Variants in CDH12 observed in about 807,000 individuals in gnomAD.
CDH12 encodes cadherin-12.
CDH12 carries 41 observed loss-of-function variants against 74.1 expected under a neutral mutation model. That is an observed-to-expected ratio of 0.55 (90% CI 0.43 to 0.72). The LOEUF is 0.72. Among genes scored for constraint, CDH12 ranks in the 30% least tolerant of loss-of-function variants. The pLI is 0.00. For missense variants in CDH12, 945 were observed against 977.2 expected, an observed-to-expected ratio of 0.97 and a Z score of 0.44; for synonymous variants, 399 against 355.0, an observed-to-expected ratio of 1.12 and a Z score of -1.39.
chr5:22,587,056 G>A (rs553245866), intron 1 of CDH12, among the ~76,000 whole-genome samples: 18 of 151,824 alleles, frequency 1.2e-4, no homozygotes, highest in Non-Finnish European at 2.4e-4. Context: ...GGCTGGTCTC[G>A]AACTCCTGAC....
At chr5:22,660,905 A>G (rs533576450) in intron 1 of CDH12, among the ~76,000 whole-genome samples, 1 of 152,224 alleles carries the variant, frequency 6.6e-6, no homozygotes, top group African/African-American at 2.4e-5. Context: ...ACATTCATTG[A>G]TTAAAAACAC....
intron 5 of CDH12, among the ~76,000 whole-genome samples, chr5:22,054,656 T>C (rs1740614061): frequency 6.6e-6 from 1 of 152,150 alleles, no homozygotes; most frequent in Non-Finnish European, 1.5e-5. Flanking sequence ...TCTAAAAGTT[T>C]GTAAAAGAGC....
At chr5:22,068,535 A>G (rs989052303) in intron 5 of CDH12, among the ~76,000 whole-genome samples, 1 of 152,182 alleles carries the variant, frequency 6.6e-6, no homozygotes, top group African/African-American at 2.4e-5. Flanking sequence ...ATGACATTAT[A>G]TATCAATTCA....
intron 2 of CDH12, among the ~76,000 whole-genome samples, chr5:22,442,516 T>C (rs1253952893): frequency 1.3e-5 from 2 of 152,178 alleles, no homozygotes; most frequent in African/African-American, 2.4e-5. Context: ...ACATTTTTGA[T>C]AGGCAATTTA....
chr5:22,001,072 C>T (rs1282188763), intron 5 of CDH12, among the ~76,000 whole-genome samples: 7 of 152,066 alleles, frequency 4.6e-5, no homozygotes, highest in Non-Finnish European at 8.8e-5. Flanking sequence ...AAAACACAGA[C>T]GTGACTTCAC....
At chr5:22,079,806 T>C (rs1742593193) in intron 4 of CDH12, among the ~76,000 whole-genome samples, 1 of 151,642 alleles carries the variant, frequency 6.6e-6, no homozygotes, top group Non-Finnish European at 1.5e-5. Flanking sequence ...AATTATGTGG[T>C]AGATAAAAAA....
intron 3 of CDH12, among the ~76,000 whole-genome samples, chr5:22,384,813 TTTTC>T (rs1332881557): frequency 6.6e-6 from 1 of 152,122 alleles, no homozygotes; most frequent in Admixed American, 6.5e-5. Flanking sequence ...AAAACAACTT[TTTTC>T]TTTCTTAGCA....
rs1745405280 is a variant in CDH12 at position 22,748,561 on chromosome 5, A to G, written c.-523+104497T>C. On this transcript the variant is annotated intron_variant, in intron 1 of 14. Coordinates refer to ENST00000382254, the MANE Select transcript of CDH12 (RefSeq NM_004061.5). ...TCTGGGCCCTGTTTCCAGAAGCTTA[A>G]TGAAAGACTTAGGCTATCTTTTATA... Among the ~76,000 whole-genome samples the G allele has an allele frequency of 2.6e-5, 4 of 152,198 alleles. No individual in the cohort carries two copies. The South Asian group carries it at 8.3e-4, about 32-fold the overall frequency.
Position 22,033,324 on chromosome 5 carries a change from C to T in CDH12, c.231+45122G>A, listed in dbSNP as rs142325599. On this transcript the variant is annotated intron_variant, in intron 5 of 14. Transcript: ENST00000382254. ...TTTTGTTTCTCCACAATTATTTAGA[C>T]ACATGCTTGAATTTTTTCACAGCAA... Among the ~76,000 whole-genome samples, 45 of 152,252 alleles carry T rather than the reference C, an allele frequency of 3.0e-4. 1 individual carries two copies. In the East Asian group the frequency reaches 8.1e-3, roughly 28 times the overall value.
intron 1 of CDH12, among the ~76,000 whole-genome samples, chr5:22,720,983 G>A (rs545271416): frequency 4.6e-5 from 7 of 152,232 alleles, no homozygotes; most frequent in Non-Finnish European, 8.8e-5. Context: ...CCTATTTTCT[G>A]TGGAGAAATT....
Position 21,818,944 on chromosome 5 carries a change from G to T in CDH12, c.815-1812C>A, listed in dbSNP as rs139142984. Among the ~76,000 whole-genome samples the T allele has an allele frequency of 3.3e-3, 508 of 151,966 alleles. 2 individuals are homozygous for T. The highest frequency in any genetic ancestry group is 0.011 in the African/African-American group (468 of 41,500). Reference sequence around the variant, plus strand: ...TGATCAAAGTAGTAATTTCTCATAGGGTAGGATTATTGTTTTATTTTTATT... The same window carrying T: ...TGATCAAAGTAGTAATTTCTCATAGTGTAGGATTATTGTTTTATTTTTATT... On this transcript the variant is annotated intron_variant, in intron 8 of 14. Coordinates refer to ENST00000382254, the MANE Select transcript of CDH12 (RefSeq NM_004061.5).
chr5:21,869,162 A>C (rs1192975357), intron 6 of CDH12, among the ~76,000 whole-genome samples: 5 of 152,216 alleles, frequency 3.3e-5, no homozygotes, highest in Non-Finnish European at 7.3e-5. Context: ...TTGATCTAGA[A>C]TAGTGAGGTG....
At chr5:22,599,443 C>G (rs1317591123) in intron 1 of CDH12, among the ~76,000 whole-genome samples, 2 of 152,144 alleles carry the variant, frequency 1.3e-5, no homozygotes, top group African/African-American at 4.8e-5. Flanking sequence ...GGCCACTGCC[C>G]CAGTGCATTC....
chr5:22,030,713 A>C (rs1212029950), intron 5 of CDH12, among the ~76,000 whole-genome samples: 1 of 152,226 alleles, frequency 6.6e-6, no homozygotes, highest in Non-Finnish European at 1.5e-5. Context: ...GAAGCCAGGC[A>C]TTGACTTCCC....
intron 2 of CDH12, among the ~76,000 whole-genome samples, chr5:22,420,435 T>C (rs1450404936): frequency 5.3e-5 from 8 of 152,190 alleles, no homozygotes; most frequent in Non-Finnish European, 1.2e-4. Flanking sequence ...AGAGAATCCT[T>C]TCCCCATTGT....
chr5:22,665,554 G>A (rs574394868), intron 1 of CDH12, among the ~76,000 whole-genome samples: 66 of 152,186 alleles, frequency 4.3e-4, no homozygotes, highest in African/African-American at 1.5e-3. Flanking sequence ...ATTCTTGAGA[G>A]CATTTCTAAT....
intron 1 of CDH12, among the ~76,000 whole-genome samples, chr5:22,689,879 A>C (rs1167996049): frequency 6.6e-6 from 1 of 152,090 alleles, no homozygotes. Flanking sequence ...TTATAATAAA[A>C]TTTATTTTGT....
rs1554020485 is a variant in CDH12, at chr5:22,204,162, G to GGTTTTTTTTTTTTTTTT, written c.-187+8335_-187+8336insAAAAAAAAAAAAAAAAC. 3.1e-5 allele frequency among the ~76,000 whole-genome samples: 4 copies of GGTTTTTTTTTTTTTTTT among 129,844 alleles called. 1 individual carries two copies. The highest frequency in any genetic ancestry group is 1.7e-5 in the Non-Finnish European group (1 of 58,126). 85.2% of individuals were successfully genotyped at this position (129,844 alleles called of 152,430 possible). ...CACGTGTTTTTGTTTTGTTTTGTTT[G>GGTTTTTTTTTTTTTTTT]TTTTTTTTTTTTTGTTTTTTGTTTT... On this transcript the variant is annotated intron_variant, in intron 4 of 14. Transcript: ENST00000382254.
intron 4 of CDH12, among the ~76,000 whole-genome samples, chr5:22,117,524 A>AT (rs1561129351): frequency 2.6e-4 from 13 of 49,662 alleles, no homozygotes; most frequent in African/African-American, 9.9e-4. Context: ...TATATATATA[A>AT]TATATATATA....
Sources: gnomAD v4.1 joint callset for allele counts (sites outside exome capture counted in the v4.1 genomes callset) on GRCh38, gnomAD v4.1.1 for gene constraint, MANE v1.5 for transcripts, NCBI Gene and HGNC (gene_info 2026-07-23, HGNC 2026-07-21) for gene names.